CFAP96: variants seen among roughly 807,000 people sequenced by gnomAD.
CFAP96 encodes cilia and flagella associated protein 96.
chr4:185,437,387 A>G, the CFAP96 span, among the ~76,000 whole-genome samples: 1 of 152,272 alleles, frequency 6.6e-6, no homozygotes, highest in Non-Finnish European at 1.5e-5. Flanking sequence ...ATATCAGCAT[A>G]ACATAAAGAA....
At chr4:185,415,968 A>C in the CFAP96 span, 1 of 1,014,660 alleles carries the variant, frequency 9.9e-7, no homozygotes, top group Non-Finnish European at 1.4e-6. Context: ...TATTAAGAAA[A>C]AAATTTAAGA....
chr4:185,431,868 G>C, the CFAP96 span: 2 of 823,994 alleles, frequency 2.4e-6, no homozygotes. Flanking sequence ...CAGTGCTTTA[G>C]AGCTCAAAAT....
chr4:185,418,811 T>A, the CFAP96 span: 1 of 1,477,804 alleles, frequency 6.8e-7, no homozygotes, highest in Admixed American at 2.2e-5. Flanking sequence ...GAAAAACAAA[T>A]TTTTCAACAT....
the CFAP96 span, chr4:185,436,009 C>T: frequency 2.7e-6 from 4 of 1,458,216 alleles, no homozygotes; most frequent in East Asian, 2.5e-5. Context: ...GCCATTTTAA[C>T]CTCCTTCTTT....
chr4:185,445,679 C>T, the CFAP96 span: 6 of 567,916 alleles, frequency 1.1e-5, no homozygotes, highest in African/African-American at 9.7e-5. Flanking sequence ...TGAAAAAGTT[C>T]TTTGGAGTAA....
the CFAP96 span, chr4:185,426,523 C>T: frequency 6.6e-6 from 1 of 152,596 alleles, no homozygotes; most frequent in Admixed American, 6.5e-5. Context: ...CTTCACCTCT[C>T]CTGACGCTCC....
At chr4:185,421,906 G>A in the CFAP96 span, among the ~76,000 whole-genome samples, 1 of 152,166 alleles carries the variant, frequency 6.6e-6, no homozygotes, top group African/African-American at 2.4e-5. Flanking sequence ...TCAGCCAAAT[G>A]CCTGTTGGGA....
chr4:185,424,054 A>AC, the CFAP96 span, among the ~76,000 whole-genome samples: 1 of 151,546 alleles, frequency 6.6e-6, no homozygotes, highest in African/African-American at 2.4e-5. Context: ...TAATCCCAAC[A>AC]CTTTGGGAGG....
chr4:185,438,061 G>T, the CFAP96 span, among the ~76,000 whole-genome samples: 7 of 151,146 alleles, frequency 4.6e-5, no homozygotes, highest in South Asian at 4.2e-4. Context: ...ACTTTGTGTT[G>T]TTTTCTTTCA....
chr4:185,424,722 GAAGAT>G, the CFAP96 span, among the ~76,000 whole-genome samples: 1 of 152,182 alleles, frequency 6.6e-6, no homozygotes, highest in Non-Finnish European at 1.5e-5. Flanking sequence ...TAAAGATACT[GAAGAT>G]AAAAGTTAGA....
chr4:185,436,491 C>T, the CFAP96 span: 1 of 604,470 alleles, frequency 1.7e-6, no homozygotes, highest in Non-Finnish European at 2.9e-6. Flanking sequence ...ATGGGCGGAT[C>T]ACGAGGTCAG....
the CFAP96 span, among the ~76,000 whole-genome samples, chr4:185,442,907 T>C: frequency 1.3e-5 from 2 of 152,202 alleles, no homozygotes; most frequent in Non-Finnish European, 2.9e-5. Flanking sequence ...TAAAATATAA[T>C]ACTGTGTTTT....
the CFAP96 span, among the ~76,000 whole-genome samples, chr4:185,427,525 C>T: frequency 3.3e-5 from 5 of 151,610 alleles, no homozygotes; most frequent in African/African-American, 7.3e-5. Flanking sequence ...TTTAGGAGGC[C>T]GAGGCAGGTG....
At chr4:185,442,168 A>G in the CFAP96 span, among the ~76,000 whole-genome samples, 135 of 152,224 alleles carry the variant, frequency 8.9e-4, no homozygotes, top group Middle Eastern at 3.4e-3. Flanking sequence ...ACTCTTTAAA[A>G]AAGTTATGCT....
the CFAP96 span, chr4:185,426,033 T>C: frequency 3.2e-5 from 24 of 741,552 alleles, no homozygotes; most frequent in Non-Finnish European, 5.4e-5. Context: ...CACACCGCAG[T>C]CCCTCGCGGA....
chr4:185,422,700 G>C, the CFAP96 span: 11 of 654,832 alleles, frequency 1.7e-5, no homozygotes, highest in African/African-American at 2.1e-4. Flanking sequence ...TTAATTCCTT[G>C]TTTTATAGAA....
the CFAP96 span, among the ~76,000 whole-genome samples, chr4:185,430,330 C>A: frequency 3.9e-5 from 6 of 152,110 alleles, no homozygotes; most frequent in Non-Finnish European, 7.3e-5. Context: ...TTGGAGATAT[C>A]TCGAAGATAC....
chr4:185,414,538 G>T, the CFAP96 span, among the ~76,000 whole-genome samples: 2 of 152,120 alleles, frequency 1.3e-5, no homozygotes, highest in Non-Finnish European at 2.9e-5. Context: ...CATACAGAGG[G>T]TCAGGGTATT....
At chr4:185,435,233 C>G in the CFAP96 span, among the ~76,000 whole-genome samples, 1 of 152,178 alleles carries the variant, frequency 6.6e-6, no homozygotes, top group South Asian at 2.1e-4. Context: ...AATATGCTTT[C>G]CTACCATTTG....
Sources: allele counts gnomAD v4.1 joint callset (sites outside exome capture counted in the v4.1 genomes callset), GRCh38; gene constraint gnomAD v4.1.1; transcripts MANE v1.5; gene names NCBI Gene and HGNC (gene_info 2026-07-23, HGNC 2026-07-21).